The following SLIT2 variants were observed in gnomAD, a reference collection of about 807,000 sequenced individuals.
SLIT2 encodes slit homolog 2 protein.
SLIT2 carries 41 observed loss-of-function variants against 185.7 expected under a neutral mutation model. The observed-to-expected ratio is 0.22, with a 90% confidence interval of 0.17 to 0.29. The LOEUF (loss-of-function observed/expected upper bound fraction) is 0.29, where lower values mean the gene tolerates loss of function less well. Among genes scored for constraint, SLIT2 ranks in the 10% least tolerant of loss-of-function variants. The pLI, the probability that SLIT2 is intolerant of heterozygous loss-of-function variation, is 1.00. For missense variants in SLIT2, 1,571 were observed against 1,909.0 expected (o/e 0.82, Z 3.30); for synonymous variants, 693 against 680.2 (o/e 1.02, Z -0.29).
intron 3 of SLIT2, among the ~76,000 whole-genome samples, chr4:20,263,942 A>G (rs1032878739): frequency 1.3e-5 from 2 of 151,850 alleles, no homozygotes; most frequent in Non-Finnish European, 2.9e-5. Context: ...TTTTTAAAAA[A>G]TGTTCTTCCT....
intron 4 of SLIT2, among the ~76,000 whole-genome samples, chr4:20,429,088 A>T (rs1728770274): frequency 6.6e-6 from 1 of 152,158 alleles, no homozygotes; most frequent in Non-Finnish European, 1.5e-5. Flanking sequence ...TTTCTTTTGA[A>T]GCTGCTTCAT....
intron 4 of SLIT2, among the ~76,000 whole-genome samples, chr4:20,286,078 T>A (rs2109067691): frequency 6.6e-6 from 1 of 152,364 alleles, no homozygotes; most frequent in African/African-American, 2.4e-5. Flanking sequence ...GATGATGTAA[T>A]GCCCACATGG....
rs149567442 is a variant in SLIT2, at chr4:20,344,955, G to A, written c.395+76074G>A. The stretch of plus-strand genomic sequence containing the variant: ...AATTCTGTAGTGCTTACCTTGCCAC[G>A]TGTATGTATGTAATAGAAGCTCTAT... On this transcript the variant is annotated intron_variant, in intron 4 of 36. Transcript: ENST00000504154. Among the ~76,000 whole-genome samples, 674 of 152,180 alleles carry A rather than the reference G, an allele frequency of 4.4e-3. 3 individuals carry two copies. Among genetic ancestry groups the A allele is most frequent in the African/African-American group, 0.014 (581 of 41,518 alleles).
chr4:20,328,977 A>C (rs1386041002), intron 4 of SLIT2, among the ~76,000 whole-genome samples: 1 of 152,088 alleles, frequency 6.6e-6, no homozygotes, highest in African/African-American at 2.4e-5. Flanking sequence ...AGAGACAGAG[A>C]TATTAATTCA....
At chr4:20,258,318 TATTTTC>T (rs1712076225) in intron 3 of SLIT2, among the ~76,000 whole-genome samples, 1 of 151,824 alleles carries the variant, frequency 6.6e-6, no homozygotes, top group Non-Finnish European at 1.5e-5. Context: ...TGCTAATTGT[TATTTTC>T]ATTTTCATGG....
chr4:20,550,408 A>T, intron 24 of SLIT2, among the ~76,000 whole-genome samples: 1 of 151,914 alleles, frequency 6.6e-6, no homozygotes, highest in South Asian at 2.1e-4. Flanking sequence ...CTTATATCTT[A>T]TATAAGTTGC....
At chr4:20,369,105 C>G (rs1577515213) in intron 4 of SLIT2, among the ~76,000 whole-genome samples, 1 of 152,206 alleles carries the variant, frequency 6.6e-6, no homozygotes, top group South Asian at 2.1e-4. Context: ...ATGTTTTTCT[C>G]TAAGTGAGTC....
chr4:20,575,410 C>T (rs528266423), intron 29 of SLIT2, among the ~76,000 whole-genome samples: 6 of 152,118 alleles, frequency 3.9e-5, no homozygotes, highest in Admixed American at 1.3e-4. Flanking sequence ...TTAGTCGATA[C>T]ATTGTTAATT....
chr4:20,263,139 G>C (rs972962570), intron 3 of SLIT2, among the ~76,000 whole-genome samples: 15 of 151,564 alleles, frequency 9.9e-5, no homozygotes, highest in African/African-American at 3.6e-4. Context: ...ATACCTTTCT[G>C]CTTGAATTGT....
chr4:20,613,552 G>A (rs1032706826), intron 34 of SLIT2, among the ~76,000 whole-genome samples: 2 of 152,090 alleles, frequency 1.3e-5, no homozygotes, highest in African/African-American at 2.4e-5. Flanking sequence ...AATCACTAAT[G>A]GACATTAAGC....
chr4:20,518,855 C>G (rs1720558002), intron 11 of SLIT2, among the ~76,000 whole-genome samples: 1 of 151,128 alleles, frequency 6.6e-6, no homozygotes, highest in African/African-American at 2.4e-5. Flanking sequence ...ATCCGCCCGC[C>G]TCGGCCTCCC....
chr4:20,584,075 T>TA (rs1726837902), intron 29 of SLIT2, among the ~76,000 whole-genome samples: 1 of 152,178 alleles, frequency 6.6e-6, no homozygotes. Flanking sequence ...TCTGGTAACT[T>TA]GCTGTCTGCA....
chr4:20,591,141 T>G (rs1187073439), intron 30 of SLIT2, among the ~76,000 whole-genome samples: 1 of 152,180 alleles, frequency 6.6e-6, no homozygotes, highest in African/African-American at 2.4e-5. Context: ...TTTGTAGTCC[T>G]TTATAGCTAT....
intron 22 of SLIT2, among the ~76,000 whole-genome samples, chr4:20,548,011 C>CT (rs1723405981): frequency 6.6e-6 from 1 of 151,950 alleles, no homozygotes; most frequent in African/African-American, 2.4e-5. Flanking sequence ...AAATTTGAGT[C>CT]TGTGTATCAG....
chr4:20,281,757 A>G (rs866761585), intron 4 of SLIT2, among the ~76,000 whole-genome samples: 25 of 152,212 alleles, frequency 1.6e-4, no homozygotes, highest in African/African-American at 5.5e-4. Flanking sequence ...CCCTCCCACC[A>G]CACCATCCCT....
chr4:20,304,751 A>G (rs979934611), intron 4 of SLIT2, among the ~76,000 whole-genome samples: 7 of 152,074 alleles, frequency 4.6e-5, no homozygotes, highest in African/African-American at 1.7e-4. Flanking sequence ...GCCATTTTGT[A>G]ACTTCCAACC....
chr4:20,300,626 A>G (rs1716951267), intron 4 of SLIT2, among the ~76,000 whole-genome samples: 2 of 152,130 alleles, frequency 1.3e-5, no homozygotes, highest in Non-Finnish European at 2.9e-5. Context: ...ACACACAAAT[A>G]TAGACATCCT....
chr4:20,585,439 T>C (rs1396890508), intron 29 of SLIT2, among the ~76,000 whole-genome samples: 1 of 152,156 alleles, frequency 6.6e-6, no homozygotes, highest in African/African-American at 2.4e-5. Context: ...ATTGGGAAAT[T>C]TTAAGGGCCC....
intron 4 of SLIT2, among the ~76,000 whole-genome samples, chr4:20,364,899 A>G (rs1156972108): frequency 2.0e-5 from 3 of 152,104 alleles, no homozygotes; most frequent in Non-Finnish European, 4.4e-5. Context: ...ACTCTTATCA[A>G]TTGACTCAAT....
Sources: gnomAD v4.1 joint callset for allele counts (sites outside exome capture counted in the v4.1 genomes callset) on GRCh38, gnomAD v4.1.1 for gene constraint, MANE v1.5 for transcripts, NCBI Gene and HGNC (gene_info 2026-07-23, HGNC 2026-07-21) for gene names.